The following GALNT16 variants were observed in gnomAD, a reference collection of about 807,000 sequenced individuals.
GALNT16 encodes UDP-GalNAc:polypeptide N-acetylgalactosaminyltransferase-like protein 1.
Under a neutral mutation model 76.1 loss-of-function variants are expected in GALNT16, and 40 were observed. The ratio of observed to expected loss-of-function variants is 0.53; its 90% CI spans 0.41 to 0.68. GALNT16 has a LOEUF of 0.68. GALNT16 is among the 30% of genes least tolerant of loss of function. The pLI, the probability that GALNT16 is intolerant of heterozygous loss-of-function variation, is 0.00. For synonymous variants in GALNT16, 276 were observed against 285.2 expected (o/e 0.97, Z 0.32); for missense variants, 621 against 731.9 (o/e 0.85, Z 1.75).
intron 10 of GALNT16, among the ~76,000 whole-genome samples, chr14:69,339,101 C>G (rs2045451228): frequency 6.6e-6 from 1 of 152,124 alleles, no homozygotes; most frequent in Non-Finnish European, 1.5e-5. Context: ...GTGCCCCAAC[C>G]CTGACTTGAT....
intron 1 of GALNT16, among the ~76,000 whole-genome samples, chr14:69,308,230 T>C (rs1367070083): frequency 6.6e-6 from 1 of 151,372 alleles, no homozygotes; most frequent in African/African-American, 2.4e-5. Flanking sequence ...CCTTTTATCT[T>C]AGGTAGAGAA....
intron 1 of GALNT16, among the ~76,000 whole-genome samples, chr14:69,300,727 T>C (rs2044839694): frequency 6.6e-6 from 1 of 152,146 alleles, no homozygotes; most frequent in Non-Finnish European, 1.5e-5. Flanking sequence ...GTTTGGTTCT[T>C]GGTACAGCTT....
chr14:69,323,660 G>C (rs1196510536), intron 2 of GALNT16, among the ~76,000 whole-genome samples: 1 of 152,106 alleles, frequency 6.6e-6, no homozygotes, highest in East Asian at 1.9e-4. Flanking sequence ...ATTTCCCTCC[G>C]CCACCACTAC....
At chr14:69,335,811 A>C (rs1228051396) in intron 9 of GALNT16, among the ~76,000 whole-genome samples, 1 of 152,186 alleles carries the variant, frequency 6.6e-6, no homozygotes, top group Non-Finnish European at 1.5e-5. Flanking sequence ...GAGATTTCCA[A>C]ACCAAGACGT....
chr14:69,342,474 A>G (rs376203905), intron 12 of GALNT16, among the ~76,000 whole-genome samples: 2 of 31,532 alleles, frequency 6.3e-5, no homozygotes, highest in African/African-American at 1.2e-4. Flanking sequence ...AGAAGGAAGG[A>G]AGGGAGGGAG....
At chr14:69,262,501 C>A (rs2044289623) in intron 1 of GALNT16, among the ~76,000 whole-genome samples, 2 of 152,166 alleles carry the variant, frequency 1.3e-5, no homozygotes, top group African/African-American at 4.8e-5. Flanking sequence ...GTTTGACTTG[C>A]TGCAGGTAAG....
intron 2 of GALNT16, among the ~76,000 whole-genome samples, chr14:69,323,029 G>C (rs1237881839): frequency 6.8e-6 from 1 of 147,540 alleles, no homozygotes; most frequent in Non-Finnish European, 1.5e-5. Context: ...AGCAAAGGAC[G>C]TGCTGGCTTT....
intron 1 of GALNT16, among the ~76,000 whole-genome samples, chr14:69,288,615 G>A (rs1347724626): frequency 2.0e-5 from 3 of 152,282 alleles, no homozygotes; most frequent in South Asian, 2.1e-4. Flanking sequence ...GGCCTCACTA[G>A]TTTACCACCT....
chr14:69,359,307 C>A (rs543552307), downstream of GALNT16: 1 of 152,226 alleles, frequency 6.6e-6, no homozygotes, highest in Non-Finnish European at 1.5e-5. Flanking sequence ...ATAAAGCATT[C>A]TAACTGGGTT....
chr14:69,348,922 T>G (rs1354172075), intron 14 of GALNT16: 1 of 152,350 alleles, frequency 6.6e-6, no homozygotes, highest in Non-Finnish European at 1.5e-5. Context: ...TCCCTGTGCC[T>G]GCCACTGGCT....
chr14:69,346,852 G>A (rs1417441338), intron 12 of GALNT16, among the ~76,000 whole-genome samples, 188 bp from the exon 13 acceptor site: 1 of 152,112 alleles, frequency 6.6e-6, no homozygotes, highest in Non-Finnish European at 1.5e-5. Context: ...GAACCCCTGG[G>A]GCCGAGGCCC....
chr14:69,298,379 T>C (rs907658676), intron 1 of GALNT16, among the ~76,000 whole-genome samples: 2 of 152,230 alleles, frequency 1.3e-5, no homozygotes, highest in Non-Finnish European at 2.9e-5. Context: ...GAGGTGTTGC[T>C]GGAGAAGTGG....
In GALNT16 at chr14:69,341,690, G is replaced by T. The variant is rs547811499; in HGVS notation, c.1197G>T (p.Thr399=). ...AIGKAFGSVA[T]RIEQRKKMNC... ...CTGCCTCCTCCTACAGTGTGGCTAC[G>T]CGGATAGAGCAGAGGAAGAAGATGA... Residue 399 remains threonine, a synonymous_variant, in exon 12 of 15, where the codon ACG becomes ACT. Coordinates refer to ENST00000448469, the MANE Select transcript of GALNT16 (RefSeq NM_001168368.2). 4 of 1,611,254 alleles carry T rather than the reference G, an allele frequency of 2.5e-6. No individual in the cohort carries two copies. Among genetic ancestry groups the T allele is most frequent in the African/African-American group, 2.7e-5 (2 of 74,852 alleles).
chr14:69,333,005 C>A lies in GALNT16; in HGVS notation c.779-80C>A. On this transcript the variant is annotated intron_variant, in intron 7 of 14. Transcript: ENST00000448469. This position sits in a 1 kb window ranked among gnomAD's most constrained non-coding sequence, Gnocchi z 4.2. Reference sequence around the variant, plus strand: ...CCCAGGGCTCTGATCAGGGGAGACTCCGAGGGGTGGTGGAGTGAAGGGTCT... The same window carrying A: ...CCCAGGGCTCTGATCAGGGGAGACTACGAGGGGTGGTGGAGTGAAGGGTCT... 1.0e-6 allele frequency: 1 copy of A among 968,600 alleles called. No homozygotes were observed. Among genetic ancestry groups the A allele is most frequent in the Non-Finnish European group, 1.7e-6 (1 of 591,232 alleles). The allele number at this position is 968,600 out of a possible 1,614,324, so 60.0% of individuals were successfully genotyped here.
chr14:69,307,884 G>T (rs551116262), intron 1 of GALNT16, among the ~76,000 whole-genome samples: 1 of 152,098 alleles, frequency 6.6e-6, no homozygotes, highest in Non-Finnish European at 1.5e-5. Flanking sequence ...TTGGCTTCTC[G>T]GCCCCCACCC....
chr14:69,346,966 G>A, intron 12 of GALNT16, 74 bp from the exon 13 acceptor site: 2 of 1,580,974 alleles, frequency 1.3e-6, no homozygotes, highest in Non-Finnish European at 8.7e-7. Flanking sequence ...CTGATAGGAT[G>A]CTGACGTCTG....
At position 69,295,061 on chromosome 14, in the gene GALNT16, A is replaced by T. The variant is rs2044738407; in HGVS notation, c.178-25650A>T. ...ATGAATACCTTTTAAAATTTTAATA[A>T]TCTATTACGAAAAAATTTAAACATA... On this transcript the variant is annotated intron_variant, in intron 1 of 14. Coordinates refer to ENST00000448469, the MANE Select transcript of GALNT16 (RefSeq NM_001168368.2). 2.0e-5 allele frequency among the ~76,000 whole-genome samples: 3 copies of T among 152,154 alleles called. No individual in the cohort carries two copies. In the South Asian group the frequency reaches 6.2e-4, roughly 32 times the overall value.
the GALNT16 span, among the ~76,000 whole-genome samples, chr14:69,372,323 T>C: frequency 3.3e-5 from 5 of 152,224 alleles, no homozygotes; most frequent in Non-Finnish European, 5.9e-5. Flanking sequence ...CTGCAAACAC[T>C]GACTCACTGA....
intron 1 of GALNT16, among the ~76,000 whole-genome samples, chr14:69,318,425 A>G (rs185804768): frequency 2.6e-4 from 40 of 152,330 alleles, no homozygotes; most frequent in Non-Finnish European, 4.9e-4. Flanking sequence ...ACTATCTCAG[A>G]AACCTTACTT....
Sources: allele counts gnomAD v4.1 joint callset (sites outside exome capture counted in the v4.1 genomes callset), GRCh38; gene constraint gnomAD v4.1.1; non-coding constraint Gnocchi (gnomAD v3.1); transcripts MANE v1.5; gene names NCBI Gene and HGNC (gene_info 2026-07-23, HGNC 2026-07-21).